SBF2: variants seen among roughly 807,000 people sequenced by gnomAD.
SBF2 encodes myotubularin-related protein 13.
SBF2 carries 112 observed loss-of-function variants against 225.2 expected under a neutral mutation model. The observed-to-expected ratio is 0.50, with a 90% confidence interval of 0.43 to 0.58. The LOEUF (loss-of-function observed/expected upper bound fraction) is 0.58. SBF2 is among the 20% of genes least tolerant of loss of function. SBF2 has a pLI of 0.00. For synonymous variants in SBF2, 763 were observed against 773.3 expected (o/e 0.99, Z 0.22); for missense variants, 1,996 against 2,206.2 (o/e 0.90, Z 1.91).
chr11:9,865,700 AAAAAAAAAAAAAAAAAG>A (rs922560390), intron 17 of SBF2, among the ~76,000 whole-genome samples: 4 of 145,842 alleles, frequency 2.7e-5, no homozygotes, highest in African/African-American at 1.0e-4. Flanking sequence ...AAAAAAAAAA[AAAAAAAAAAAAAAAAAG>A]GCGGGAGGCG....
At chr11:10,284,852 G>C (rs1963640664) in intron 1 of SBF2, among the ~76,000 whole-genome samples, 1 of 151,410 alleles carries the variant, frequency 6.6e-6, no homozygotes, top group Non-Finnish European at 1.5e-5. Context: ...TCAAATTCCT[G>C]GGCACAAGTG....
At chr11:10,104,967 T>C (rs1296642122) in intron 2 of SBF2, among the ~76,000 whole-genome samples, 1 of 152,228 alleles carries the variant, frequency 6.6e-6, no homozygotes, top group Non-Finnish European at 1.5e-5. Context: ...ATGATCTATT[T>C]TATATATTGC....
intron 2 of SBF2, among the ~76,000 whole-genome samples, chr11:10,122,109 G>A (rs190707672): frequency 8.2e-4 from 124 of 152,122 alleles, no homozygotes; most frequent in African/African-American, 1.1e-3. Context: ...AAGTGAATAA[G>A]GAAAGAAAAA....
At chr11:10,019,474 A>G (rs1293821446) in intron 6 of SBF2, among the ~76,000 whole-genome samples, 1 of 152,228 alleles carries the variant, frequency 6.6e-6, no homozygotes, top group African/African-American at 2.4e-5. Flanking sequence ...AGATGCCATT[A>G]TTAGTAATAG....
At chr11:10,190,965 G>GCT (rs1957143748) in intron 2 of SBF2, among the ~76,000 whole-genome samples, 1 of 152,156 alleles carries the variant, frequency 6.6e-6, no homozygotes, top group African/African-American at 2.4e-5. Flanking sequence ...TCCTAGCTCT[G>GCT]CTGTATCCTT....
chr11:9,900,557 G>A (rs1201160175), intron 16 of SBF2, among the ~76,000 whole-genome samples: 2 of 152,150 alleles, frequency 1.3e-5, no homozygotes, highest in Non-Finnish European at 2.9e-5. Context: ...GGCCACGTGC[G>A]TCAGGGATAA....
chr11:9,888,044 A>T (rs1452079843), intron 17 of SBF2, among the ~76,000 whole-genome samples: 1 of 152,186 alleles, frequency 6.6e-6, no homozygotes, highest in Non-Finnish European at 1.5e-5. Context: ...GCATATTTGT[A>T]TTCCATCAGA....
chr11:10,020,952 T>C (rs1036040164), intron 6 of SBF2, among the ~76,000 whole-genome samples: 1 of 150,294 alleles, frequency 6.7e-6, no homozygotes, highest in African/African-American at 2.4e-5. Context: ...AGATCATCGA[T>C]GGAGACATAC....
At chr11:9,899,201 A>C (rs1216522293) in intron 16 of SBF2, among the ~76,000 whole-genome samples, 3 of 152,058 alleles carry the variant, frequency 2.0e-5, no homozygotes, top group Non-Finnish European at 4.4e-5. Context: ...GAGCAATAAA[A>C]TAGTCACTTG....
At chr11:10,300,893 C>T (rs1375039330) in intron 1 of SBF2, among the ~76,000 whole-genome samples, 1 of 151,234 alleles carries the variant, frequency 6.6e-6, no homozygotes, top group Non-Finnish European at 1.5e-5. Context: ...AAGAGATCCA[C>T]TTGCCTCAGC....
At chr11:10,300,625 T>C (rs1021027583) in intron 1 of SBF2, among the ~76,000 whole-genome samples, 1 of 152,066 alleles carries the variant, frequency 6.6e-6, no homozygotes, top group Non-Finnish European at 1.5e-5. Context: ...GTTGCTTTCA[T>C]TAACACCATT....
intron 16 of SBF2, among the ~76,000 whole-genome samples, chr11:9,954,005 T>C (rs1452075945): frequency 3.9e-5 from 6 of 152,208 alleles, no homozygotes; most frequent in Non-Finnish European, 5.9e-5. Flanking sequence ...GTTAAGGCCA[T>C]GATATTTTTG....
intron 2 of SBF2, among the ~76,000 whole-genome samples, chr11:10,096,046 G>C (rs762000693): frequency 1.3e-5 from 2 of 152,050 alleles, no homozygotes; most frequent in Non-Finnish European, 2.9e-5. Context: ...AAAGTAAACT[G>C]AACCAGGAGC....
chr11:10,111,618 G>A (rs1952850626), intron 2 of SBF2, among the ~76,000 whole-genome samples: 1 of 152,248 alleles, frequency 6.6e-6, no homozygotes. Context: ...GCTCACGCCT[G>A]TAATCCCAGC....
chr11:10,023,987 C>T (rs377681839), intron 6 of SBF2, among the ~76,000 whole-genome samples: 1 of 152,130 alleles, frequency 6.6e-6, no homozygotes, highest in Non-Finnish European at 1.5e-5. Flanking sequence ...TTTGTAATCT[C>T]GCTCTTCCTA....
At chr11:9,813,670 G>A (rs1018317159) in intron 29 of SBF2, among the ~76,000 whole-genome samples, 32 of 152,292 alleles carry the variant, frequency 2.1e-4, no homozygotes, top group African/African-American at 6.3e-4. Flanking sequence ...GGTCGGGCAC[G>A]GTGGCTCATG....
At chr11:10,116,997 A>G (rs926160118) in intron 2 of SBF2, among the ~76,000 whole-genome samples, 7 of 152,242 alleles carry the variant, frequency 4.6e-5, no homozygotes, top group African/African-American at 1.7e-4. Flanking sequence ...ATTAAAAAGA[A>G]AAGAGATTGT....
intron 16 of SBF2, among the ~76,000 whole-genome samples, chr11:9,925,465 C>CA (rs1225237554): frequency 1.3e-5 from 2 of 152,120 alleles, no homozygotes; most frequent in African/African-American, 4.8e-5. Flanking sequence ...TTAATAGAGA[C>CA]AGAGTTTCTC....
At chr11:9,816,704 A>C in intron 29 of SBF2, 136 bp downstream of exon 29, 6 of 648,940 alleles carry the variant, frequency 9.2e-6, no homozygotes, top group Non-Finnish European at 1.5e-5. Context: ...GGAGAGCTAA[A>C]TTTTTTGAGA....
Sources: gnomAD v4.1 joint callset for allele counts (sites outside exome capture counted in the v4.1 genomes callset) on GRCh38, gnomAD v4.1.1 for gene constraint, MANE v1.5 for transcripts, NCBI Gene and HGNC (gene_info 2026-07-23, HGNC 2026-07-21) for gene names.